Variants in IQSEC1 observed in about 807,000 individuals in gnomAD.
IQSEC1 encodes the protein IQ motif and SEC7 domain-containing protein 1.
IQSEC1 carries 31 observed loss-of-function variants against 91.0 expected under a neutral mutation model. That is an observed-to-expected ratio of 0.34 (90% confidence interval 0.26 to 0.46). The LOEUF (loss-of-function observed/expected upper bound fraction) is 0.46, where lower values mean the gene tolerates loss of function less well. IQSEC1 is among the 20% of genes least tolerant of loss of function. The probability of loss-of-function intolerance (pLI) is 1.00; values close to 1 mark genes in which losing one functional copy is unlikely to be tolerated. For synonymous variants in IQSEC1, 699 were observed against 662.6 expected (o/e 1.05, Z -0.84); for missense variants, 1,388 against 1,575.6 (o/e 0.88, Z 2.02).
At chr3:13,218,052 C>A (rs1277836283) in intron 1 of IQSEC1, among the ~76,000 whole-genome samples, 1 of 152,214 alleles carries the variant, frequency 6.6e-6, no homozygotes, top group South Asian at 2.1e-4. Flanking sequence ...GTCAGGTGCA[C>A]CCCTGGCTTC....
At chr3:13,006,857 G>A (rs1013139130) in intron 1 of IQSEC1, among the ~76,000 whole-genome samples, 8 of 152,228 alleles carry the variant, frequency 5.3e-5, no homozygotes, top group African/African-American at 9.6e-5. Flanking sequence ...GAGACAGGCC[G>A]TCTTTGGCAG....
rs1705500934 is a variant in IQSEC1 at position 13,073,418 on chromosome 3, C to T, written c.-404G>A. Among the ~76,000 whole-genome samples, 1 of 152,048 alleles carries T rather than the reference C, an allele frequency of 6.6e-6. No individual in the cohort carries two copies. The highest frequency in any genetic ancestry group is 2.1e-4 in the South Asian group (1 of 4,830). On this transcript the variant is annotated 5_prime_UTR_variant, in exon 1 of 14. Coordinates refer to ENST00000613206, the MANE Select transcript of IQSEC1 (RefSeq NM_001134382.3). ...GAGAGAAGGCTGCCCCGGGTTTGCT[C>T]TCGCAGCATCCGGAGAAGGGGCGGG... is the stretch of plus-strand genomic sequence containing the variant.
At chr3:12,964,299 T>TACAAACACAC (rs139625169) in intron 1 of IQSEC1, among the ~76,000 whole-genome samples, 1 of 149,800 alleles carries the variant, frequency 6.7e-6, no homozygotes, top group Admixed American at 6.6e-5. Flanking sequence ...ATACTCCCCC[T>TACAAACACAC]ACACACACAC....
At chr3:13,239,217 G>A (rs1012979743) in intron 1 of IQSEC1, among the ~76,000 whole-genome samples, 3 of 152,248 alleles carry the variant, frequency 2.0e-5, no homozygotes, top group Non-Finnish European at 4.4e-5. Context: ...CTGGCGGACA[G>A]CGGCTCAGTC....
chr3:13,085,818 C>G (rs62232937), intron 2 of IQSEC1, among the ~76,000 whole-genome samples: 1 of 152,152 alleles, frequency 6.6e-6, no homozygotes, highest in Non-Finnish European at 1.5e-5. Context: ...TCGGCCAATG[C>G]GAGGCTCTCG....
chr3:12,983,570 A>G lies in IQSEC1; in HGVS notation c.24-41705T>C, dbSNP rs940165694. Among the ~76,000 whole-genome samples, 1 of 152,098 alleles carries G rather than the reference A, an allele frequency of 6.6e-6. No individual in the cohort carries two copies. The highest frequency in any genetic ancestry group is 1.5e-5 in the Non-Finnish European group (1 of 68,006). On this transcript the variant is annotated intron_variant, in intron 1 of 13. Transcript: ENST00000613206. The surrounding 1 kb of genome is among the most constrained non-coding windows in gnomAD (Gnocchi z 4.3). ...ATGAAGTGATGCCCCAGCCTTGAGC[A>G]GGGTGCCCAGAGGGGGTGCTGAGCC...
chr3:13,199,931 T>TCA (rs752636736), intron 1 of IQSEC1, among the ~76,000 whole-genome samples: 103 of 124,156 alleles, frequency 8.3e-4, no homozygotes, highest in African/African-American at 2.7e-3. Context: ...ACCACGCACG[T>TCA]CACACACACA....
intron 1 of IQSEC1, among the ~76,000 whole-genome samples, chr3:12,997,934 A>G (rs564209393): frequency 2.0e-5 from 3 of 152,390 alleles, no homozygotes; most frequent in East Asian, 3.9e-4. Context: ...ATGTTTTTAA[A>G]GTGAATAAAA....
At position 13,121,436 on chromosome 3, in the gene IQSEC1, C is replaced by T. The variant is rs904855755; in HGVS notation, c.302+42668G>A. Among the ~76,000 whole-genome samples the T allele has an allele frequency of 5.9e-5, 9 of 152,214 alleles. No individual in the cohort carries two copies. The East Asian group carries it at 1.4e-3, about 23-fold the overall frequency. ...CAGGGCTGGGCACAGAACAGCGGCT[C>T]GGTGGTTATCTGCTGAGTGAGTGGA... On this transcript the variant is annotated intron_variant, in intron 2 of 15. Transcript: ENST00000648114.
chr3:12,913,405 T>C, intron 9 of IQSEC1, 23 bp downstream of exon 9: 1 of 1,573,046 alleles, frequency 6.4e-7, no homozygotes, highest in African/African-American at 1.3e-5. Context: ...CCTGCTACAA[T>C]GCCTTGTGGG....
chr3:13,056,846 A>C (rs1395747903), intron 1 of IQSEC1, among the ~76,000 whole-genome samples: 1 of 152,096 alleles, frequency 6.6e-6, no homozygotes, highest in African/African-American at 2.4e-5. Context: ...AAAATCGCTA[A>C]TGTATACTCA....
intron 1 of IQSEC1, chr3:13,015,535 G>A: frequency 8.1e-6 from 8 of 984,892 alleles, no homozygotes; most frequent in Non-Finnish European, 9.6e-6. Context: ...GGTTTCTCAG[G>A]GCTGCTGAGG....
chr3:12,899,223 C>A lies in IQSEC1; in HGVS notation c.*1760G>T, dbSNP rs1172915098. On this transcript the variant is annotated 3_prime_UTR_variant, in exon 14 of 14. Coordinates refer to ENST00000613206, the MANE Select transcript of IQSEC1 (RefSeq NM_001134382.3). Reference sequence around the variant, plus strand: ...GGCCAGCCAGCCAGCCAAGGTGACACACAGCCAGAGGGGGCTCCCCTCTCC... The same window carrying A: ...GGCCAGCCAGCCAGCCAAGGTGACAAACAGCCAGAGGGGGCTCCCCTCTCC... 4.2e-6 allele frequency: 3 copies of A among 718,396 alleles called. No homozygotes were observed. The highest frequency in any genetic ancestry group is 1.8e-5 in the African/African-American group (1 of 55,762). 44.5% of individuals were successfully genotyped at this position (718,396 alleles called of 1,614,324 possible). A position where few individuals can be genotyped will look rare whatever the true frequency, so the allele number is the denominator to read the frequency against.
intron 1 of IQSEC1, among the ~76,000 whole-genome samples, chr3:13,197,172 T>C (rs1455493794): frequency 6.6e-6 from 1 of 152,198 alleles, no homozygotes; most frequent in East Asian, 1.9e-4. Context: ...TCTGAACAGA[T>C]ATCCCCTACG....
rs76535943 is a variant in IQSEC1, at chr3:13,040,922, T to C, written c.23+32070A>G. On this transcript the variant is annotated intron_variant, in intron 1 of 13. Coordinates refer to ENST00000613206, the MANE Select transcript of IQSEC1 (RefSeq NM_001134382.3). ...GCTGAGCCCTGTGGAGCAGGGTCTG[T>C]CCCTCATTTGTCCCTGCCTGGCCCA... is the stretch of plus-strand genomic sequence containing the variant. 9.7e-3 allele frequency among the ~76,000 whole-genome samples: 1,477 copies of C among 152,142 alleles called. 13 individuals are homozygous for C. The highest frequency in any genetic ancestry group is 0.024 in the Middle Eastern group (7 of 294).
chr3:13,142,459 C>A (rs1366479675), intron 2 of IQSEC1, among the ~76,000 whole-genome samples: 1 of 152,164 alleles, frequency 6.6e-6, no homozygotes, highest in Non-Finnish European at 1.5e-5. Context: ...GATGTTGGAT[C>A]CCGCACAGGT....
At position 12,899,185 on chromosome 3, in the gene IQSEC1, T is replaced by A; in HGVS notation, c.*1798A>T. The A allele has an allele frequency of 1.7e-6, 1 of 596,054 alleles. No homozygotes were observed. The highest frequency in any genetic ancestry group is 3.0e-5 in the Admixed American group (1 of 33,214). The allele number at this position is 596,054 out of a possible 1,614,324, so 36.9% of individuals were successfully genotyped here. Reference sequence around the variant, plus strand: ...GGTGGGAGGGATGTGAGGAGGGAAATCGGCAAAACCCTGGCCAGCCAGCCA... The same window carrying A: ...GGTGGGAGGGATGTGAGGAGGGAAAACGGCAAAACCCTGGCCAGCCAGCCA... On this transcript the variant is annotated 3_prime_UTR_variant, in exon 14 of 14. Transcript: ENST00000613206.
intron 1 of IQSEC1, among the ~76,000 whole-genome samples, chr3:12,945,996 A>G (rs960094364): frequency 1.3e-5 from 2 of 152,178 alleles, no homozygotes; most frequent in African/African-American, 4.8e-5. Flanking sequence ...CACCTTCCTG[A>G]TTAGGACTCA....
At position 12,898,128 on chromosome 3, in the gene IQSEC1, GCCT is replaced by G. The variant is rs979873930; in HGVS notation, c.*2852_*2854del. 4 of 152,250 alleles carry G rather than the reference GCCT, an allele frequency of 2.6e-5. No individual in the cohort carries two copies. Among genetic ancestry groups the G allele is most frequent in the African/African-American group, 9.7e-5 (4 of 41,448 alleles). The allele number at this position is 152,250 out of a possible 1,614,324, so 9.4% of individuals were successfully genotyped here. ...CCAGGCAGACATCCTGGGGCCCTCGGCCTCCTCCTGCCTCCCCTCCCAGGGGAT... is the reference window on the plus strand; with the variant it reads ...CCAGGCAGACATCCTGGGGCCCTCGGCCTCCTGCCTCCCCTCCCAGGGGAT... On this transcript the variant is annotated 3_prime_UTR_variant, in exon 14 of 14. Coordinates refer to ENST00000613206, the MANE Select transcript of IQSEC1 (RefSeq NM_001134382.3).
Sources: gnomAD v4.1 joint callset for allele counts (sites outside exome capture counted in the v4.1 genomes callset) on GRCh38, gnomAD v4.1.1 for gene constraint, Gnocchi (gnomAD v3.1) non-coding constraint, MANE v1.5 for transcripts, NCBI Gene and HGNC (gene_info 2026-07-23, HGNC 2026-07-21) for gene names.